MYO5B: variants seen among roughly 807,000 people sequenced by gnomAD.
MYO5B encodes the protein unconventional myosin-Vb.
MYO5B carries 143 observed loss-of-function variants against 229.3 expected under a neutral mutation model. The ratio of observed to expected loss-of-function variants is 0.62; its 90% CI spans 0.54 to 0.72. The LOEUF is 0.72. MYO5B is among the 30% of genes least tolerant of loss of function. The probability of loss-of-function intolerance (pLI) is 0.00; values close to 1 mark genes in which losing one functional copy is unlikely to be tolerated. For missense variants in MYO5B, 2,321 were observed against 2,331.0 expected, an observed-to-expected ratio of 1.00 and a Z score of 0.09; for synonymous variants, 918 against 885.2, an observed-to-expected ratio of 1.04 and a Z score of -0.66.
chr18:50,044,761 G>C (rs946337702), intron 2 of MYO5B, among the ~76,000 whole-genome samples: 3 of 152,136 alleles, frequency 2.0e-5, no homozygotes, highest in African/African-American at 7.2e-5. Context: ...GGTAGGTCTC[G>C]ATTAACAGAG....
In MYO5B at chr18:50,115,547, G is replaced by GACACACACACAC. The variant is rs56886992; in HGVS notation, c.28-60181_28-60170dup. Among the ~76,000 whole-genome samples, 8 of 125,178 alleles carry GACACACACACAC rather than the reference G, an allele frequency of 6.4e-5. No homozygotes were observed. The South Asian group carries it at 2.0e-3, about 31-fold the overall frequency. The allele number at this position is 125,178 out of a possible 152,430, so 82.1% of individuals were successfully genotyped here. A position where few individuals can be genotyped will look rare whatever the true frequency, so the allele number is the denominator to read the frequency against. ...AAACACACACACACACACACAGAGA[G>GACACACACACAC]ACACACACACACACACACACACACA... is the stretch of plus-strand genomic sequence containing the variant. On this transcript the variant is annotated intron_variant, in intron 1 of 39. Transcript: ENST00000285039.
chr18:50,009,895 A>G (rs995097831), intron 4 of MYO5B, among the ~76,000 whole-genome samples: 2 of 152,186 alleles, frequency 1.3e-5, no homozygotes, highest in Non-Finnish European at 2.9e-5. Flanking sequence ...GGGGTTCTCC[A>G]GGCCCAAGGA....
chr18:49,920,470 C>T (rs1479205147), intron 17 of MYO5B, among the ~76,000 whole-genome samples: 2 of 152,150 alleles, frequency 1.3e-5, no homozygotes. Flanking sequence ...TCCATGTTTG[C>T]CTTTCCTTTT....
In MYO5B at chr18:49,929,544, C is replaced by A. The variant is rs533321748; in HGVS notation, c.2058G>T (p.Thr686=). 1.1e-5 allele frequency: 17 copies of A among 1,608,358 alleles called. No homozygotes were observed. The highest frequency in any genetic ancestry group is 1.4e-5 in the Non-Finnish European group (16 of 1,179,302). The change falls in exon 17 of 40, where the codon ACG becomes ACT. Residue 686 remains threonine, a synonymous_variant. Coordinates refer to ENST00000285039, the MANE Select transcript of MYO5B (RefSeq NM_001080467.3). ...GGTAGCCAGCTGCACTGATTCGAATCGTCTCCAACACCCCGCAGGCTCTGA... is the reference window on the plus strand; with the variant it reads ...GGTAGCCAGCTGCACTGATTCGAATAGTCTCCAACACCCCGCAGGCTCTGA... ...QQLRACGVLE[T]IRISAAGYPS...
intron 17 of MYO5B, among the ~76,000 whole-genome samples, chr18:49,913,773 T>C (rs1023338437): frequency 1.3e-5 from 2 of 151,740 alleles, no homozygotes; most frequent in African/African-American, 2.4e-5. Context: ...CCTATACCCA[T>C]ATAAACTCCA....
intron 4 of MYO5B, among the ~76,000 whole-genome samples, chr18:50,035,306 C>A (rs1166355742): frequency 6.6e-6 from 1 of 152,186 alleles, no homozygotes; most frequent in African/African-American, 2.4e-5. Context: ...CCAGCCATGA[C>A]AGGACAAGTC....
rs1324350787 is a variant in MYO5B at position 49,825,189 on chromosome 18, G to C, written c.*1282C>G. The C allele has an allele frequency of 6.6e-6, 1 of 152,068 alleles. No homozygotes were observed. The highest frequency in any genetic ancestry group is 6.5e-5 in the Admixed American group (1 of 15,268). The allele number at this position is 152,068 out of a possible 1,614,324, so 9.4% of individuals were successfully genotyped here. A position where few individuals can be genotyped will look rare whatever the true frequency, so the allele number is the denominator to read the frequency against. The stretch of plus-strand genomic sequence containing the variant: ...CAGAAAAGACAGTAAAAAAAAGTGT[G>C]GAAAGAATATGGGTTTCCAATTGAA... On this transcript the variant is annotated 3_prime_UTR_variant, in exon 40 of 40. Transcript: ENST00000285039.
intron 16 of MYO5B, among the ~76,000 whole-genome samples, chr18:49,934,153 G>C (rs909764883): frequency 6.6e-6 from 1 of 152,222 alleles, no homozygotes; most frequent in Non-Finnish European, 1.5e-5. Flanking sequence ...TGCCATTACA[G>C]GCATGAGCCA....
At chr18:49,860,416 T>C (rs1416267038) in intron 29 of MYO5B, among the ~76,000 whole-genome samples, 1 of 152,042 alleles carries the variant, frequency 6.6e-6, no homozygotes, top group Non-Finnish European at 1.5e-5. Flanking sequence ...TTCCTATATA[T>C]AAAATGGTGA....
chr18:50,070,848 A>G (rs2030941188), intron 1 of MYO5B, among the ~76,000 whole-genome samples: 1 of 146,544 alleles, frequency 6.8e-6, no homozygotes, highest in Admixed American at 6.8e-5. Context: ...CTCCAGCCAC[A>G]TTCACCTGTT....
In MYO5B at chr18:49,912,189, AG is replaced by A. The variant is rs772197307; in HGVS notation, c.2091-17del. ...GTAGGCCCACCTGGAGGGAAAGCAA[AG>A]GGGCATCAGGTGACACATCCTGCCT... On this transcript the variant is annotated splice_polypyrimidine_tract_variant and intron_variant, in intron 17 of 39. Transcript: ENST00000285039. The A allele has an allele frequency of 6.3e-7, 1 of 1,599,670 alleles. No individual in the cohort carries two copies. Among genetic ancestry groups the A allele is most frequent in the East Asian group, 2.2e-5 (1 of 44,764 alleles).
At chr18:50,069,129 G>A (rs117354913) in intron 1 of MYO5B, among the ~76,000 whole-genome samples, 6 of 152,122 alleles carry the variant, frequency 3.9e-5, no homozygotes, top group East Asian at 1.9e-4. Flanking sequence ...AAACTGTCCT[G>A]GGTGCAAGTA....
chr18:50,024,390 T>C (rs1222746364), intron 4 of MYO5B, among the ~76,000 whole-genome samples: 2 of 152,176 alleles, frequency 1.3e-5, no homozygotes, highest in African/African-American at 4.8e-5. Context: ...CCTCTCTCCT[T>C]CTCTCTGCTA....
In MYO5B at chr18:49,826,372, T is replaced by G. The variant is rs11874243; in HGVS notation, c.*99A>C. On this transcript the variant is annotated 3_prime_UTR_variant, in exon 40 of 40. Transcript: ENST00000285039. ...CAGGCTGTCAATCTCTGATTTGATC[T>G]ACTTTTACCAGATTTAACAGATCCT... The G allele has an allele frequency of 3.5e-3, 4,845 of 1,386,964 alleles. 100 individuals carry two copies. In the African/African-American group the frequency reaches 0.051, roughly 15 times the overall value. 85.9% of individuals were successfully genotyped at this position (1,386,964 alleles called of 1,614,324 possible). A position where few individuals can be genotyped will look rare whatever the true frequency, so the allele number is the denominator to read the frequency against.
intron 1 of MYO5B, among the ~76,000 whole-genome samples, chr18:50,152,864 TAAAAAAAAAAA>T (rs67858852): frequency 8.0e-6 from 1 of 125,442 alleles, no homozygotes; most frequent in African/African-American, 3.0e-5. Flanking sequence ...TTCTCAAAAC[TAAAAAAAAAAA>T]AAAAAAAAAA....
intron 1 of MYO5B, among the ~76,000 whole-genome samples, chr18:50,133,260 C>A (rs541030111): frequency 1.5e-5 from 2 of 133,894 alleles, no homozygotes; most frequent in Admixed American, 8.6e-5. Context: ...TCTGTCTTCT[C>A]TAGTGCTCTC....
intron 22 of MYO5B, among the ~76,000 whole-genome samples, chr18:49,885,421 G>A (rs539541679): frequency 2.0e-5 from 3 of 152,106 alleles, no homozygotes; most frequent in Non-Finnish European, 4.4e-5. Context: ...AGACCCCTGA[G>A]TACCCACCTG....
chr18:50,036,876 T>C lies in MYO5B; in HGVS notation c.429A>G (p.Ala143=). Reference sequence around the variant, plus strand: ...TGGCCATCTGCTTGTAGGCTTCTTCTGCCACAGCAAAGATGTGGGGGTCCA... The same window carrying C: ...TGGCCATCTGCTTGTAGGCTTCTTCCGCCACAGCAAAGATGTGGGGGTCCA... The part of the protein sequence containing the change: ...GDMDPHIFAV[A]EEAYKQMARD... The change falls in exon 4 of 40, where the codon GCA becomes GCG. Residue 143 remains alanine, a synonymous_variant. Coordinates refer to ENST00000285039, the MANE Select transcript of MYO5B (RefSeq NM_001080467.3). 1.2e-6 allele frequency: 2 copies of C among 1,614,144 alleles called. No homozygotes were observed. The highest frequency in any genetic ancestry group is 2.2e-5 in the East Asian group (1 of 44,876).
At chr18:50,096,057 G>A (rs1041380844) in intron 1 of MYO5B, among the ~76,000 whole-genome samples, 1 of 152,220 alleles carries the variant, frequency 6.6e-6, no homozygotes, top group South Asian at 2.1e-4. Context: ...GAAGAAAACT[G>A]TTCTGCCATA....
Sources: gnomAD v4.1 joint callset for allele counts (sites outside exome capture counted in the v4.1 genomes callset) on GRCh38, gnomAD v4.1.1 for gene constraint, MANE v1.5 for transcripts, NCBI Gene and HGNC (gene_info 2026-07-23, HGNC 2026-07-21) for gene names.